The following PTPRG variants were observed in gnomAD, a reference collection of about 807,000 sequenced individuals.
PTPRG encodes receptor-type tyrosine-protein phosphatase gamma.
Under a neutral mutation model 165.3 loss-of-function variants are expected in PTPRG, and 102 were observed. That is an observed-to-expected ratio of 0.62 (90% CI 0.53 to 0.73). The LOEUF (loss-of-function observed/expected upper bound fraction) is 0.73. PTPRG is among the 30% of genes least tolerant of loss of function. PTPRG has a pLI of 0.00. For synonymous variants in PTPRG, 675 were observed against 669.5 expected (o/e 1.01, Z -0.13); for missense variants, 1,866 against 1,861.4 (o/e 1.00, Z -0.05).
chr3:62,266,526 C>CTGTT (rs1701880041), intron 17 of PTPRG, among the ~76,000 whole-genome samples: 2 of 151,924 alleles, frequency 1.3e-5, no homozygotes, highest in Admixed American at 1.3e-4. Context: ...CAAGCAACAC[C>CTGTT]TGTTTCATGT....
At chr3:62,123,445 A>G (rs1050076478) in intron 5 of PTPRG, among the ~76,000 whole-genome samples, 2 of 152,178 alleles carry the variant, frequency 1.3e-5, no homozygotes, top group African/African-American at 4.8e-5. Context: ...GACATGTTTT[A>G]TTATAATCTT....
At chr3:61,648,131 A>C (rs1181019311) in intron 1 of PTPRG, among the ~76,000 whole-genome samples, 1 of 151,746 alleles carries the variant, frequency 6.6e-6, no homozygotes, top group Non-Finnish European at 1.5e-5. Flanking sequence ...ATATCCTGAC[A>C]GTGGAATTAG....
intron 4 of PTPRG, among the ~76,000 whole-genome samples, chr3:62,051,075 C>G (rs1700454794): frequency 6.6e-6 from 1 of 152,166 alleles, no homozygotes; most frequent in Admixed American, 6.5e-5. Context: ...GTGTCTCTTA[C>G]AGAGTACAGA....
At chr3:62,204,012 A>G in intron 12 of PTPRG, 62 bp downstream of exon 12, 3 of 1,498,160 alleles carry the variant, frequency 2.0e-6, no homozygotes, top group Non-Finnish European at 2.7e-6. Flanking sequence ...CCCTTTTTCA[A>G]AAAATTGGGA....
chr3:61,932,060 A>G (rs2039374952), intron 2 of PTPRG, among the ~76,000 whole-genome samples: 1 of 152,146 alleles, frequency 6.6e-6, no homozygotes, highest in South Asian at 2.1e-4. Flanking sequence ...TGCTAACAAT[A>G]TTTTCCCCTG....
rs1700954563 is a variant in PTPRG at position 62,233,538 on chromosome 3, T to C, written c.2375+2227T>C. On this transcript the variant is annotated intron_variant, in intron 14 of 29. Coordinates refer to ENST00000474889, the MANE Select transcript of PTPRG (RefSeq NM_002841.4). This position sits in a 1 kb window ranked among gnomAD's most constrained non-coding sequence, Gnocchi z 4.7. The stretch of plus-strand genomic sequence containing the variant: ...CTCACCTTTGCCTTTTTCATTCCGC[T>C]CTCATTTTCTTTCCTGGCTTGTATC... Among the ~76,000 whole-genome samples, 1 of 152,210 alleles carries C rather than the reference T, an allele frequency of 6.6e-6. No homozygotes were observed. Among genetic ancestry groups the C allele is most frequent in the African/African-American group, 2.4e-5 (1 of 41,452 alleles).
intron 2 of PTPRG, among the ~76,000 whole-genome samples, chr3:61,923,315 G>A (rs973419775): frequency 7.2e-5 from 11 of 152,114 alleles, no homozygotes; most frequent in Non-Finnish European, 1.6e-4. Context: ...TGATTTAACC[G>A]TACATCATAT....
At chr3:61,903,041 C>T (rs1463908041) in intron 2 of PTPRG, among the ~76,000 whole-genome samples, 1 of 152,142 alleles carries the variant, frequency 6.6e-6, no homozygotes, top group Non-Finnish European at 1.5e-5. Context: ...AAACTCCTTC[C>T]AGTCTCATTG....
At position 62,195,478 on chromosome 3, in the gene PTPRG, T is replaced by C. The variant is rs916554445; in HGVS notation, c.1327+308T>C. 1.3e-5 allele frequency among the ~76,000 whole-genome samples: 2 copies of C among 152,182 alleles called. No homozygotes were observed. The highest frequency in any genetic ancestry group is 4.8e-5 in the African/African-American group (2 of 41,462). On this transcript the variant is annotated intron_variant, in intron 10 of 29. Transcript: ENST00000474889. The surrounding 1 kb of genome is among the most constrained non-coding windows in gnomAD (Gnocchi z 4.4). ...TCCAGCGCTGTGTCAGATCACACAA[T>C]CACTTCCAAGTTGTACCGCTGAATA...
chr3:61,597,718 G>A (rs1700739765), intron 1 of PTPRG, among the ~76,000 whole-genome samples: 1 of 152,142 alleles, frequency 6.6e-6, no homozygotes, highest in South Asian at 2.1e-4. Flanking sequence ...CAAGGATGTT[G>A]AAGACCCTGT....
chr3:61,954,468 A>G (rs1299735795), intron 2 of PTPRG, among the ~76,000 whole-genome samples: 2 of 152,156 alleles, frequency 1.3e-5, no homozygotes, highest in Non-Finnish European at 2.9e-5. Flanking sequence ...ATCTGCTCTC[A>G]TCACTTTGAT....
chr3:62,139,632 T>A (rs1226604195), intron 6 of PTPRG, among the ~76,000 whole-genome samples: 1 of 152,226 alleles, frequency 6.6e-6, no homozygotes, highest in East Asian at 1.9e-4. Context: ...CTTCTATTAG[T>A]GTCACAAAAT....
intron 1 of PTPRG, among the ~76,000 whole-genome samples, chr3:61,573,435 T>C: frequency 6.6e-6 from 1 of 152,214 alleles, no homozygotes; most frequent in East Asian, 1.9e-4. Flanking sequence ...ATTTTAATTT[T>C]TACAACAACA....
chr3:61,925,633 C>T (rs2039189029), intron 2 of PTPRG, among the ~76,000 whole-genome samples: 1 of 152,026 alleles, frequency 6.6e-6, no homozygotes, highest in Non-Finnish European at 1.5e-5. Flanking sequence ...ATCCCAGCTA[C>T]TCAGGAGGCT....
chr3:61,995,080 C>CTTTTTTTT (rs1233679653), intron 3 of PTPRG, among the ~76,000 whole-genome samples: 32 of 107,396 alleles, frequency 3.0e-4, no homozygotes, highest in African/African-American at 9.1e-4. Context: ...TCTTTTCTTT[C>CTTTTTTTT]TTTCTTTTTT....
chr3:62,231,354 G>A lies in PTPRG; in HGVS notation c.2375+43G>A, dbSNP rs368239968. On this transcript the variant is annotated intron_variant, in intron 14 of 29. Transcript: ENST00000474889. Reference sequence around the variant, plus strand: ...TTAAGTGGGGGGCGTCTTGATGGCCGGGACTGGCTTGCCAAATTTTTGTTT... The same window carrying A: ...TTAAGTGGGGGGCGTCTTGATGGCCAGGACTGGCTTGCCAAATTTTTGTTT... 50 of 1,475,244 alleles carry A rather than the reference G, an allele frequency of 3.4e-5. 1 individual carries two copies. Among genetic ancestry groups the A allele is most frequent in the African/African-American group, 1.3e-4 (9 of 69,836 alleles). 91.4% of individuals were successfully genotyped at this position (1,475,244 alleles called of 1,614,324 possible).
intron 2 of PTPRG, among the ~76,000 whole-genome samples, chr3:61,906,237 G>T (rs943759176): frequency 1.3e-5 from 2 of 151,672 alleles, no homozygotes; most frequent in Admixed American, 1.3e-4. Context: ...GGTGGATCAT[G>T]AGGTCAGGAG....
intron 1 of PTPRG, among the ~76,000 whole-genome samples, chr3:61,616,367 A>G (rs1701296701): frequency 6.6e-6 from 1 of 152,226 alleles, no homozygotes; most frequent in South Asian, 2.1e-4. Flanking sequence ...ATATACACAC[A>G]TTAACATCTG....
chr3:61,677,244 C>CAAAAA (rs11426161), intron 1 of PTPRG, among the ~76,000 whole-genome samples: 113 of 71,522 alleles, frequency 1.6e-3, no homozygotes, highest in African/African-American at 3.6e-3. Context: ...GACTCCGTCT[C>CAAAAA]AAAAAAAAAA....
Sources: allele counts gnomAD v4.1 joint callset (sites outside exome capture counted in the v4.1 genomes callset), GRCh38; gene constraint gnomAD v4.1.1; non-coding constraint Gnocchi (gnomAD v3.1); transcripts MANE v1.5; gene names NCBI Gene and HGNC (gene_info 2026-07-23, HGNC 2026-07-21).